Variants in XKR9 observed in about 807,000 individuals in gnomAD.
XKR9 encodes the protein XK related 9.
In XKR9, 32 loss-of-function variants were observed where a neutral mutation model predicts 32.0. The ratio of observed to expected loss-of-function variants is 1.00; its 90% CI spans 0.76 to 1.34. The LOEUF (loss-of-function observed/expected upper bound fraction) is 1.34, where lower values mean the gene tolerates loss of function less well. Ranked by LOEUF, XKR9 falls within the 40% of genes most tolerant of loss-of-function variation. The pLI is 0.00. For missense variants in XKR9, 546 were observed against 429.7 expected (o/e 1.27, Z -2.39); for synonymous variants, 168 against 143.4 (o/e 1.17, Z -1.22).
At chr8:70,785,815 C>A (rs1249280160) in intron 2 of XKR9, among the ~76,000 whole-genome samples, 2 of 145,974 alleles carry the variant, frequency 1.4e-5, no homozygotes, top group African/African-American at 5.1e-5. Context: ...ATACAACATA[C>A]CTAAATTTAT....
At chr8:70,804,780 A>T in the XKR9 span, among the ~76,000 whole-genome samples, 6 of 152,290 alleles carry the variant, frequency 3.9e-5, no homozygotes, top group African/African-American at 1.4e-4. Flanking sequence ...ATGAATATAA[A>T]TTTTTTGTTA....
chr8:70,798,897 C>T, the XKR9 span, among the ~76,000 whole-genome samples: 1 of 152,090 alleles, frequency 6.6e-6, no homozygotes, highest in Non-Finnish European at 1.5e-5. Context: ...ATTTCTGTTC[C>T]ACTGGTCTAT....
chr8:70,937,445 G>A, the XKR9 span, among the ~76,000 whole-genome samples: 1 of 151,852 alleles, frequency 6.6e-6, no homozygotes, highest in Non-Finnish European at 1.5e-5. Flanking sequence ...AGTTTAACAA[G>A]GTCCCCCAAT....
the XKR9 span, among the ~76,000 whole-genome samples, chr8:71,021,498 C>CTTT: frequency 1.3e-3 from 135 of 101,380 alleles, no homozygotes; most frequent in Non-Finnish European, 1.8e-3. Context: ...TTGATGGTTT[C>CTTT]TTTTTTTTTT....
At chr8:70,796,337 T>C in the XKR9 span, among the ~76,000 whole-genome samples, 1 of 152,128 alleles carries the variant, frequency 6.6e-6, no homozygotes, top group Non-Finnish European at 1.5e-5. Context: ...CTTTCCCATA[T>C]TATCTAAGTT....
At chr8:70,805,190 C>A in the XKR9 span, among the ~76,000 whole-genome samples, 1 of 152,176 alleles carries the variant, frequency 6.6e-6, no homozygotes, top group Non-Finnish European at 1.5e-5. Context: ...GCAGGGGAAT[C>A]TCCACCCCCC....
At chr8:70,757,611 GAGTCTTGCTCTGTCGCCC>G (rs1362218483) in intron 2 of XKR9, among the ~76,000 whole-genome samples, 4 of 151,868 alleles carry the variant, frequency 2.6e-5, no homozygotes, top group African/African-American at 9.7e-5. Context: ...ATTTATGACA[GAGTCTTGCTCTGTCGCCC>G]AGGCTGGCAT....
the XKR9 span, among the ~76,000 whole-genome samples, chr8:71,058,106 G>A: frequency 1.3e-5 from 2 of 152,062 alleles, no homozygotes; most frequent in Non-Finnish European, 2.9e-5. Context: ...GCGTGAACCC[G>A]GGAGGCGGAG....
the XKR9 span, among the ~76,000 whole-genome samples, chr8:70,995,937 C>T: frequency 6.6e-6 from 1 of 152,212 alleles, no homozygotes; most frequent in Admixed American, 6.5e-5. Flanking sequence ...AATGATCATT[C>T]CACCTTTGGA....
intron 2 of XKR9, among the ~76,000 whole-genome samples, chr8:70,784,458 G>T (rs571653906): frequency 9.9e-5 from 15 of 151,704 alleles, no homozygotes; most frequent in African/African-American, 3.6e-4. Flanking sequence ...TGTACCTATT[G>T]TAAGTGGGAT....
At chr8:70,967,311 C>A in the XKR9 span, among the ~76,000 whole-genome samples, 2 of 151,960 alleles carry the variant, frequency 1.3e-5, no homozygotes, top group African/African-American at 2.4e-5. Flanking sequence ...CCTCGTGATT[C>A]GCCCACCTCG....
At chr8:70,847,077 G>C in the XKR9 span, among the ~76,000 whole-genome samples, 1 of 151,932 alleles carries the variant, frequency 6.6e-6, no homozygotes, top group Non-Finnish European at 1.5e-5. Flanking sequence ...CTCCAGGGTA[G>C]ATCATATGTT....
intron 4 of XKR9, among the ~76,000 whole-genome samples, chr8:70,714,437 G>T (rs1379212884): frequency 6.7e-6 from 1 of 150,354 alleles, no homozygotes; most frequent in South Asian, 2.1e-4. Flanking sequence ...TAAATTTGTG[G>T]CTTTGTACTC....
At chr8:70,842,897 T>G in the XKR9 span, among the ~76,000 whole-genome samples, 5 of 152,120 alleles carry the variant, frequency 3.3e-5, no homozygotes, top group African/African-American at 7.2e-5. Flanking sequence ...ATTGCTGCCC[T>G]TCTGGGGTCT....
intron 2 of XKR9, among the ~76,000 whole-genome samples, chr8:70,781,340 A>G (rs922151388): frequency 1.3e-4 from 19 of 151,866 alleles, no homozygotes; most frequent in African/African-American, 4.6e-4. Flanking sequence ...CAAATATATG[A>G]TTTGCAATAT....
chr8:70,993,012 G>A, the XKR9 span, among the ~76,000 whole-genome samples: 1 of 152,284 alleles, frequency 6.6e-6, no homozygotes, highest in African/African-American at 2.4e-5. Flanking sequence ...AATGCTTTCT[G>A]CAGTTATTAC....
chr8:70,805,196 C>A, the XKR9 span, among the ~76,000 whole-genome samples: 16 of 152,206 alleles, frequency 1.1e-4, no homozygotes, highest in South Asian at 2.3e-3. Flanking sequence ...GAATCTCCAC[C>A]CCCCAGCCAA....
the XKR9 span, among the ~76,000 whole-genome samples, chr8:70,855,202 C>T: frequency 1.3e-5 from 2 of 151,818 alleles, no homozygotes; most frequent in Non-Finnish European, 2.9e-5. Context: ...GAAGTTTGAA[C>T]CGATGGCAAA....
At chr8:70,870,564 T>C in the XKR9 span, among the ~76,000 whole-genome samples, 1 of 152,228 alleles carries the variant, frequency 6.6e-6, no homozygotes, top group Non-Finnish European at 1.5e-5. Flanking sequence ...AGCTGCTTTG[T>C]GCTTATATAG....
Sources: gnomAD v4.1 joint callset for allele counts (sites outside exome capture counted in the v4.1 genomes callset) on GRCh38, gnomAD v4.1.1 for gene constraint, MANE v1.5 for transcripts, NCBI Gene and HGNC (gene_info 2026-07-23, HGNC 2026-07-21) for gene names.